Variants in PTPRK observed in about 807,000 individuals in gnomAD.
PTPRK encodes protein tyrosine phosphatase receptor type K.
Under a neutral mutation model 178.0 loss-of-function variants are expected in PTPRK, and 75 were observed. The observed-to-expected ratio is 0.42, with a 90% confidence interval of 0.35 to 0.51. PTPRK has a LOEUF of 0.51. Among genes scored for constraint, PTPRK ranks in the 20% least tolerant of loss-of-function variants. The pLI is 0.02. For synonymous variants in PTPRK, 637 were observed against 620.6 expected, an observed-to-expected ratio of 1.03 and a Z score of -0.39; for missense variants, 1,441 against 1,797.8, an observed-to-expected ratio of 0.80 and a Z score of 3.59.
intron 13 of PTPRK, chr6:128,062,448 T>C (rs1781008304): frequency 1.2e-5 from 2 of 166,956 alleles, no homozygotes; most frequent in African/African-American, 2.4e-5. Context: ...GAAGAAAATA[T>C]ATTAGACCAG....
chr6:128,429,924 A>T (rs1844612298), intron 1 of PTPRK, among the ~76,000 whole-genome samples: 1 of 152,224 alleles, frequency 6.6e-6, no homozygotes, highest in Non-Finnish European at 1.5e-5. Flanking sequence ...TAGGCATTTT[A>T]TCATTTTTGA....
rs148024589 is a variant in PTPRK at position 128,014,948 on chromosome 6, C to T, written c.2195-5680G>A. Among the ~76,000 whole-genome samples, 45 of 151,762 alleles carry T rather than the reference C, an allele frequency of 3.0e-4. No individual in the cohort carries two copies. The East Asian group carries it at 8.1e-3, about 27-fold the overall frequency. ...AGCAGCTAAATGCCACGTGCTTTAA[C>T]AGTAGTTGGAAAATAATTTATTCTC... On this transcript the variant is annotated intron_variant, in intron 13 of 29. Coordinates refer to ENST00000368226, the MANE Select transcript of PTPRK (RefSeq NM_002844.4).
chr6:128,343,021 ATCTT>A (rs1238487856), intron 2 of PTPRK, among the ~76,000 whole-genome samples: 1 of 152,164 alleles, frequency 6.6e-6, no homozygotes, highest in Non-Finnish European at 1.5e-5. Context: ...CCTGAATTAA[ATCTT>A]TCTTATTGTG....
chr6:128,323,381 T>C (rs1829101931), intron 2 of PTPRK, among the ~76,000 whole-genome samples: 2 of 152,152 alleles, frequency 1.3e-5, no homozygotes, highest in South Asian at 2.1e-4. Context: ...ACAAATTTTA[T>C]TGTAAAATAT....
intron 21 of PTPRK, among the ~76,000 whole-genome samples, chr6:127,989,463 T>C (rs1776353574): frequency 6.6e-6 from 1 of 152,008 alleles, no homozygotes; most frequent in Non-Finnish European, 1.5e-5. Context: ...TATGCAATTA[T>C]TTCTCTATTG....
At chr6:128,376,395 C>T (rs1399256403) in intron 2 of PTPRK, among the ~76,000 whole-genome samples, 1 of 152,100 alleles carries the variant, frequency 6.6e-6, no homozygotes, top group Non-Finnish European at 1.5e-5. Flanking sequence ...CCAGAGCTAC[C>T]TTTCAGCCAT....
intron 22 of PTPRK, 36 bp downstream of exon 22, chr6:127,985,685 T>G (rs764094421): frequency 1.8e-5 from 28 of 1,547,058 alleles, no homozygotes; most frequent in Non-Finnish European, 2.5e-5. Flanking sequence ...AAAAAGCTGA[T>G]TGCATACAGT....
At chr6:128,470,770 T>A (rs1294665183) in intron 1 of PTPRK, among the ~76,000 whole-genome samples, 6 of 135,306 alleles carry the variant, frequency 4.4e-5, no homozygotes, top group African/African-American at 1.8e-4. Flanking sequence ...TTTTTTTTTT[T>A]AATGGCTAAG....
intron 1 of PTPRK, among the ~76,000 whole-genome samples, chr6:128,435,098 A>AAGGC (rs1845391048): frequency 7.8e-5 from 6 of 77,052 alleles, no homozygotes; most frequent in South Asian, 1.0e-3. Context: ...GGAAGGAAGG[A>AAGGC]AGGAAGGAAG....
At chr6:128,223,818 C>T (rs1810825878) in intron 5 of PTPRK, among the ~76,000 whole-genome samples, 1 of 152,126 alleles carries the variant, frequency 6.6e-6, no homozygotes, top group Non-Finnish European at 1.5e-5. Flanking sequence ...AAATTCAAAA[C>T]TAGGTTTGAT....
chr6:128,003,289 T>G, intron 15 of PTPRK: 1 of 1,414,674 alleles, frequency 7.1e-7, no homozygotes, highest in Non-Finnish European at 9.7e-7. Context: ...TTTTTTAAAA[T>G]CTTTTTTCTT....
At chr6:128,518,297 T>G (rs951532142) in intron 1 of PTPRK, among the ~76,000 whole-genome samples, 1 of 152,214 alleles carries the variant, frequency 6.6e-6, no homozygotes, top group African/African-American at 2.4e-5. Context: ...TAGAACTAGA[T>G]ATCTAAGAAC....
At chr6:128,112,690 T>TA (rs1790867009) in intron 7 of PTPRK, among the ~76,000 whole-genome samples, 1 of 152,118 alleles carries the variant, frequency 6.6e-6, no homozygotes, top group Non-Finnish European at 1.5e-5. Flanking sequence ...TGTGTGTACT[T>TA]ACAAAATATC....
intron 7 of PTPRK, among the ~76,000 whole-genome samples, chr6:128,183,919 T>C (rs1433572712): frequency 5.9e-5 from 9 of 152,188 alleles, no homozygotes; most frequent in Admixed American, 5.9e-4. Flanking sequence ...CAGCTGGGTG[T>C]CAAGCTCCTG....
At chr6:127,981,040 G>A (rs1775285374) in intron 25 of PTPRK, 76 bp downstream of exon 25, 2 of 1,313,888 alleles carry the variant, frequency 1.5e-6, no homozygotes, top group Admixed American at 2.5e-5. Flanking sequence ...TCCTCGAAAA[G>A]AAAACTAGCC....
At chr6:128,488,456 A>C (rs181155680) in intron 1 of PTPRK, among the ~76,000 whole-genome samples, 2 of 152,304 alleles carry the variant, frequency 1.3e-5, no homozygotes, top group African/African-American at 4.8e-5. Flanking sequence ...ATTAACCATC[A>C]CAATTCCCAA....
At chr6:128,151,721 A>G (rs1014488593) in intron 7 of PTPRK, among the ~76,000 whole-genome samples, 7 of 152,062 alleles carry the variant, frequency 4.6e-5, no homozygotes, top group Non-Finnish European at 7.4e-5. Flanking sequence ...ATTAGATTTA[A>G]CTACTAGAAG....
intron 13 of PTPRK, among the ~76,000 whole-genome samples, chr6:128,046,951 A>G (rs1778125386): frequency 6.6e-6 from 1 of 152,210 alleles, no homozygotes. Context: ...CACTTACAAA[A>G]GCATTTCATC....
chr6:128,391,458 T>C (rs140677078), intron 2 of PTPRK, among the ~76,000 whole-genome samples: 6 of 152,218 alleles, frequency 3.9e-5, no homozygotes, highest in Non-Finnish European at 8.8e-5. Context: ...AAACTAGCGA[T>C]AATATTGCAA....
Sources: allele counts gnomAD v4.1 joint callset (sites outside exome capture counted in the v4.1 genomes callset), GRCh38; gene constraint gnomAD v4.1.1; transcripts MANE v1.5; gene names NCBI Gene and HGNC (gene_info 2026-07-23, HGNC 2026-07-21).